Variants in ZNF717 observed in about 807,000 individuals in gnomAD.
ZNF717 encodes zinc finger protein 717, also known as krueppel-like factor X17.
In ZNF717, 9 loss-of-function variants were observed where a neutral mutation model predicts 13.8. That is an observed-to-expected ratio of 0.65 (90% confidence interval 0.39 to 1.14). ZNF717 has a LOEUF of 1.14. Among genes scored for constraint, ZNF717 ranks in the 50% most tolerant of loss-of-function variants. ZNF717 has a pLI of 0.01. For missense variants in ZNF717, 1,040 were observed against 1,080.7 expected, an observed-to-expected ratio of 0.96 and a Z score of 0.53; for synonymous variants, 327 against 364.1, an observed-to-expected ratio of 0.90 and a Z score of 1.16.
chr3:75,701,658 C>T (rs112499714), intron 6 of ZNF717, among the ~76,000 whole-genome samples: 16 of 152,014 alleles, frequency 1.1e-4, no homozygotes, highest in Admixed American at 3.3e-4. Flanking sequence ...CCACTGCACT[C>T]CAGCCTGGGC....
chr3:75,766,784 T>A, intron 2 of ZNF717, among the ~76,000 whole-genome samples: 1 of 152,282 alleles, frequency 6.6e-6, no homozygotes, highest in Non-Finnish European at 1.5e-5. Context: ...ATGCAAAGTA[T>A]GTTGTCTCAA....
intron 2 of ZNF717, among the ~76,000 whole-genome samples, chr3:75,763,870 T>C (rs1207540673): frequency 2.0e-5 from 3 of 152,258 alleles, no homozygotes; most frequent in South Asian, 2.1e-4. Flanking sequence ...AGAGGATTTA[T>C]TGATTACTGA....
downstream of ZNF717, among the ~76,000 whole-genome samples, chr3:75,709,299 C>T (rs1319774718): frequency 6.6e-6 from 1 of 152,090 alleles, no homozygotes; most frequent in Non-Finnish European, 1.5e-5. Flanking sequence ...TGCACCCAGC[C>T]TCCACACACT....
At chr3:75,778,989 G>A (rs1318892936) in intron 2 of ZNF717, among the ~76,000 whole-genome samples, 26 of 148,204 alleles carry the variant, frequency 1.8e-4, no homozygotes, top group African/African-American at 5.5e-4. Context: ...TGCTAAAACC[G>A]GAACCCAAAA....
chr3:75,718,458 A>G (rs1213710496), intron 4 of ZNF717, among the ~76,000 whole-genome samples: 4 of 152,302 alleles, frequency 2.6e-5, no homozygotes, highest in South Asian at 4.1e-4. Context: ...CTAACTTACT[A>G]AGTTAATTTC....
downstream of ZNF717, among the ~76,000 whole-genome samples, chr3:75,733,556 A>C (rs1187707223): frequency 6.6e-6 from 1 of 152,046 alleles, no homozygotes; most frequent in African/African-American, 2.4e-5. Context: ...AGGTGGGTGG[A>C]TCATGAGGTC....
chr3:75,771,954 C>A (rs76448422), intron 2 of ZNF717, among the ~76,000 whole-genome samples: 1 of 151,790 alleles, frequency 6.6e-6, no homozygotes, highest in African/African-American at 2.4e-5. Flanking sequence ...CAACCCGGCC[C>A]GGTGTGTGCA....
At position 75,724,186 on chromosome 3, in the gene ZNF717, T is replaced by C. The variant is rs755147278; in HGVS notation, n.545-7645A>G. Among the ~76,000 whole-genome samples the C allele has an allele frequency of 3.2e-3, 488 of 152,150 alleles. 1 individual carries two copies. The highest frequency in any genetic ancestry group is 5.0e-3 in the Non-Finnish European group (340 of 68,008). On this transcript the variant is annotated intron_variant and non_coding_transcript_variant, in intron 4 of 5. Coordinates refer to the ZNF717 transcript ENST00000491507. ...GGCTCACACTCCTTACCCTGCCCCC[T>C]TGCCTTGTATCCAAAAAATAACAGC...
At chr3:75,730,303 C>G in exon 6 of ZNF717, 1 of 253,502 alleles carries the variant, frequency 3.9e-6, no homozygotes, top group Non-Finnish European at 7.4e-6. Context: ...CAGATGACCT[C>G]CTACATCAGG....
chr3:75,696,903 A>AAC (rs1937609812), intron 6 of ZNF717, among the ~76,000 whole-genome samples: 1 of 14,318 alleles, frequency 7.0e-5, no homozygotes, highest in South Asian at 2.4e-3. Context: ...AAAAAAAAAA[A>AAC]AAAAAAAAAA....
At chr3:75,712,492 A>T (rs1399029986) in intron 5 of ZNF717, among the ~76,000 whole-genome samples, 3 of 152,214 alleles carry the variant, frequency 2.0e-5, no homozygotes, top group Non-Finnish European at 4.4e-5. Context: ...AGAAGAATTT[A>T]ATTTTCTTCT....
At chr3:75,753,093 A>C (rs1256657173) in intron 2 of ZNF717, among the ~76,000 whole-genome samples, 1 of 151,912 alleles carries the variant, frequency 6.6e-6, no homozygotes, top group Non-Finnish European at 1.5e-5. Context: ...ATTCCAGAAC[A>C]CTGCTGCTAG....
exon 6 of ZNF717, chr3:75,711,023 C>T (rs1413200988): frequency 1.3e-5 from 2 of 152,140 alleles, no homozygotes; most frequent in Admixed American, 6.6e-5. Flanking sequence ...ACAATTTTTA[C>T]TCATTCACTG....
downstream of ZNF717, among the ~76,000 whole-genome samples, chr3:75,732,724 TG>T (rs1938684560): frequency 6.6e-6 from 1 of 152,296 alleles, no homozygotes; most frequent in African/African-American, 2.4e-5. Flanking sequence ...TAAGTTATGC[TG>T]GTGGATGGAC....
At chr3:75,708,683 A>C (rs1575714676), downstream of ZNF717, among the ~76,000 whole-genome samples, 1 of 152,224 alleles carries the variant, frequency 6.6e-6, no homozygotes, top group Middle Eastern at 3.2e-3. Context: ...TACAGGAGGA[A>C]ATTCAAACCA....
chr3:75,712,209 T>C (rs1165461127), intron 5 of ZNF717, among the ~76,000 whole-genome samples: 2 of 150,578 alleles, frequency 1.3e-5, no homozygotes, highest in African/African-American at 2.4e-5. Context: ...ATCCTCAAAC[T>C]AGGCAAATTA....
At chr3:75,730,516 C>G (rs1200777538) in exon 6 of ZNF717, 2 of 624,422 alleles carry the variant, frequency 3.2e-6, no homozygotes, top group Non-Finnish European at 2.8e-6. Flanking sequence ...AGAAGTGATA[C>G]AGACTTGGAC....
intron 2 of ZNF717, among the ~76,000 whole-genome samples, chr3:75,769,588 T>C (rs1032204174): frequency 6.6e-6 from 1 of 152,214 alleles, no homozygotes; most frequent in Non-Finnish European, 1.5e-5. Flanking sequence ...AAGTAGAACC[T>C]TGATCTGAAA....
At chr3:75,769,165 G>A (rs1262650034) in intron 2 of ZNF717, among the ~76,000 whole-genome samples, 2 of 152,170 alleles carry the variant, frequency 1.3e-5, no homozygotes, top group Admixed American at 6.5e-5. Flanking sequence ...ACTGGACAGT[G>A]TGACAGGAGA....
Sources: gnomAD v4.1 joint callset for allele counts (sites outside exome capture counted in the v4.1 genomes callset) on GRCh38, gnomAD v4.1.1 for gene constraint, MANE v1.5 for transcripts, NCBI Gene and HGNC (gene_info 2026-07-23, HGNC 2026-07-21) for gene names.